MFSD11: variants seen among roughly 807,000 people sequenced by gnomAD.
The protein encoded by MFSD11 is major facilitator superfamily domain containing 11.
MFSD11 carries 36 observed loss-of-function variants against 53.5 expected under a neutral mutation model. The observed-to-expected ratio is 0.67, with a 90% CI of 0.52 to 0.89. MFSD11 has a LOEUF of 0.89. MFSD11 is among the 40% of genes least tolerant of loss of function. The probability of loss-of-function intolerance (pLI) is 0.00; values close to 1 mark genes in which losing one functional copy is unlikely to be tolerated. For missense variants in MFSD11, 530 were observed against 543.9 expected (o/e 0.97, Z 0.25); for synonymous variants, 186 against 184.9 (o/e 1.01, Z -0.05).
At chr17:76,767,213 A>G (rs978520685) in intron 8 of MFSD11, 173 bp from the exon 9 acceptor site, 7 of 513,916 alleles carry the variant, frequency 1.4e-5, no homozygotes, top group Middle Eastern at 5.0e-4. Flanking sequence ...TAAACGTTTT[A>G]TTTATAGGGC....
intron 8 of MFSD11, among the ~76,000 whole-genome samples, chr17:76,756,270 G>A (rs535059722): frequency 2.0e-5 from 3 of 151,296 alleles, no homozygotes; most frequent in Admixed American, 6.6e-5. Context: ...CTACAGGCAC[G>A]TGCCACCACG....
At chr17:76,745,148 C>T (rs1287990683) in intron 7 of MFSD11, among the ~76,000 whole-genome samples, 3 of 152,182 alleles carry the variant, frequency 2.0e-5, no homozygotes, top group African/African-American at 7.2e-5. Flanking sequence ...CTCTGCCACC[C>T]TTGTTTTGCT....
intron 10 of MFSD11, among the ~76,000 whole-genome samples, chr17:76,770,335 G>A (rs1429157614): frequency 1.3e-5 from 2 of 152,052 alleles, no homozygotes; most frequent in East Asian, 3.8e-4. Context: ...ACCATGCCCG[G>A]CCTATTATTG....
At chr17:76,741,093 A>C (rs764168414) in intron 3 of MFSD11, 29 bp downstream of exon 3, 2 of 1,246,898 alleles carry the variant, frequency 1.6e-6, no homozygotes, top group South Asian at 2.4e-5. Flanking sequence ...CACTTATTTA[A>C]TCAGAACACT....
chr17:76,783,208 G>A (rs1367603624), downstream of MFSD11, among the ~76,000 whole-genome samples: 1 of 151,660 alleles, frequency 6.6e-6, no homozygotes, highest in African/African-American at 2.4e-5. Context: ...TTTTATGCTT[G>A]TCTTATATAT....
chr17:76,736,778 G>C, upstream of MFSD11: 1 of 1,416,852 alleles, frequency 7.1e-7, no homozygotes, highest in African/African-American at 1.5e-5. Context: ...CGCCTCCCGC[G>C]GTCCCCTCAG....
chr17:76,797,164 T>C, the MFSD11 span, among the ~76,000 whole-genome samples: 1 of 151,786 alleles, frequency 6.6e-6, no homozygotes, highest in Non-Finnish European at 1.5e-5. Flanking sequence ...GCGAGACTCT[T>C]CCTCAATTAA....
At chr17:76,778,073 A>G (rs2082003948) in intron 12 of MFSD11, 115 bp from the exon 13 acceptor site, 2 of 947,710 alleles carry the variant, frequency 2.1e-6, no homozygotes, top group South Asian at 1.5e-5. Flanking sequence ...GAAAGAATAG[A>G]AAGCACTGTG....
chr17:76,739,675 G>T (rs545031273), intron 2 of MFSD11, among the ~76,000 whole-genome samples: 21 of 152,304 alleles, frequency 1.4e-4, no homozygotes, highest in Admixed American at 1.4e-3. Context: ...TGTAGAAACA[G>T]TTTCTTAATT....
intron 8 of MFSD11, among the ~76,000 whole-genome samples, chr17:76,756,237 C>T (rs2079617503): frequency 6.6e-6 from 1 of 151,780 alleles, no homozygotes; most frequent in Non-Finnish European, 1.5e-5. Context: ...ATTCTCCTGC[C>T]TCAGCCTACT....
At chr17:76,796,576 C>T in the MFSD11 span, among the ~76,000 whole-genome samples, 1 of 152,082 alleles carries the variant, frequency 6.6e-6, no homozygotes, top group Non-Finnish European at 1.5e-5. Context: ...GAGTTAGCAC[C>T]GACCCTCACA....
the MFSD11 span, among the ~76,000 whole-genome samples, chr17:76,788,170 A>G: frequency 6.7e-6 from 1 of 148,706 alleles, no homozygotes; most frequent in Non-Finnish European, 1.5e-5. Flanking sequence ...CCTCCTGTGT[A>G]GCTGGATTTA....
the MFSD11 span, among the ~76,000 whole-genome samples, chr17:76,796,999 C>T: frequency 6.6e-6 from 1 of 151,928 alleles, no homozygotes; most frequent in Admixed American, 6.6e-5. Flanking sequence ...GGAAACTCAT[C>T]TCTACTAAAA....
chr17:76,790,693 C>T, the MFSD11 span, among the ~76,000 whole-genome samples: 83 of 147,314 alleles, frequency 5.6e-4, 6 homozygotes, highest in East Asian at 0.016. Context: ...CGTGGTGGCT[C>T]ACGCCTATAA....
intron 8 of MFSD11, among the ~76,000 whole-genome samples, chr17:76,763,187 T>C (rs763585764): frequency 6.6e-6 from 1 of 152,228 alleles, no homozygotes; most frequent in Non-Finnish European, 1.5e-5. Flanking sequence ...CAGATTGTTA[T>C]ACCACTTTAC....
At chr17:76,799,954 C>CTTTTTTT in the MFSD11 span, among the ~76,000 whole-genome samples, 195 of 87,268 alleles carry the variant, frequency 2.2e-3, 8 homozygotes, top group African/African-American at 7.6e-3. Flanking sequence ...TTTTCTTTTT[C>CTTTTTTT]CTTTTTTTTT....
chr17:76,792,284 A>T, the MFSD11 span, among the ~76,000 whole-genome samples: 3 of 150,898 alleles, frequency 2.0e-5, no homozygotes, highest in Admixed American at 6.6e-5. Flanking sequence ...ACATCCAGCT[A>T]ATTTTTGTAT....
upstream of MFSD11, chr17:76,736,794 T>G: frequency 1.3e-6 from 2 of 1,545,328 alleles, no homozygotes; most frequent in Non-Finnish European, 1.7e-6. Context: ...CTCAGCCCCG[T>G]TTACCTGCGG....
intron 7 of MFSD11, among the ~76,000 whole-genome samples, chr17:76,749,508 G>C (rs1169140446): frequency 1.4e-5 from 2 of 144,272 alleles, no homozygotes; most frequent in Admixed American, 7.3e-5. Context: ...CTCCAGCCTG[G>C]GTGACAGGGA....
Sources: allele counts gnomAD v4.1 joint callset (sites outside exome capture counted in the v4.1 genomes callset), GRCh38; gene constraint gnomAD v4.1.1; transcripts MANE v1.5; gene names NCBI Gene and HGNC (gene_info 2026-07-23, HGNC 2026-07-21).